Variants in LY86 observed in about 807,000 individuals in gnomAD.
LY86 encodes lymphocyte antigen 86.
LY86 carries 20 observed loss-of-function variants against 17.3 expected under a neutral mutation model. The ratio of observed to expected loss-of-function variants is 1.15; its 90% CI spans 0.81 to 1.68. LY86 has a LOEUF of 1.68. Ranked by LOEUF, LY86 falls within the 40% of genes most tolerant of loss-of-function variation. LY86 has a pLI of 0.00. For missense variants in LY86, 200 were observed against 191.9 expected (o/e 1.04, Z -0.25); for synonymous variants, 74 against 70.6 (o/e 1.05, Z -0.24).
intron 3 of LY86, among the ~76,000 whole-genome samples, chr6:6,637,291 G>A (rs1371360754): frequency 6.6e-6 from 1 of 152,090 alleles, no homozygotes; most frequent in African/African-American, 2.4e-5. Flanking sequence ...GATTACAGGC[G>A]TGAGCCACCG....
intron 1 of LY86, among the ~76,000 whole-genome samples, chr6:6,601,499 G>A (rs937225998): frequency 6.6e-6 from 1 of 152,208 alleles, no homozygotes; most frequent in African/African-American, 2.4e-5. Flanking sequence ...GAGGCAGGCA[G>A]ATCACGAGGT....
Position 6,608,235 on chromosome 6 carries a change from C to T in LY86, c.137-16691C>T, listed in dbSNP as rs1761244018. 5.3e-5 allele frequency among the ~76,000 whole-genome samples: 8 copies of T among 152,294 alleles called. No individual in the cohort carries two copies. In the South Asian group the frequency reaches 1.7e-3, roughly 32 times the overall value. On this transcript the variant is annotated intron_variant, in intron 1 of 4. Transcript: ENST00000230568. ...GAGCAAACAAAAATACTATTATGTG[C>T]ATATAATATGACTTTGTCTACGCAG...
intron 1 of LY86, among the ~76,000 whole-genome samples, chr6:6,619,739 T>G (rs1761632062): frequency 6.6e-6 from 1 of 152,114 alleles, no homozygotes; most frequent in Admixed American, 6.5e-5. Flanking sequence ...GAGCCATGAA[T>G]GTTAAGATGT....
At chr6:6,604,983 C>A (rs531148715) in intron 1 of LY86, among the ~76,000 whole-genome samples, 1 of 151,628 alleles carries the variant, frequency 6.6e-6, no homozygotes, top group East Asian at 1.9e-4. Context: ...AGCTACAATT[C>A]TACATACAGT....
At chr6:6,620,985 C>G (rs188410451) in intron 1 of LY86, 19 of 152,386 alleles carry the variant, frequency 1.2e-4, no homozygotes, top group African/African-American at 4.6e-4. Context: ...GGCCCACATG[C>G]CCGGGGGAGA....
intron 1 of LY86, among the ~76,000 whole-genome samples, chr6:6,606,952 G>A (rs1761181614): frequency 6.6e-6 from 1 of 152,268 alleles, no homozygotes; most frequent in Non-Finnish European, 1.5e-5. Flanking sequence ...GAGAGCGAGT[G>A]AGGGCTGTGA....
At chr6:6,612,495 A>G (rs976606653) in intron 1 of LY86, among the ~76,000 whole-genome samples, 2 of 148,938 alleles carry the variant, frequency 1.3e-5, no homozygotes, top group African/African-American at 2.5e-5. Flanking sequence ...TGTAAACAAC[A>G]AAAACACTTA....
intron 1 of LY86, among the ~76,000 whole-genome samples, chr6:6,617,999 C>T (rs1045540162): frequency 1.3e-4 from 20 of 152,170 alleles, no homozygotes; most frequent in African/African-American, 4.8e-4. Context: ...TGCCACCACA[C>T]CCGACTAATT....
At chr6:6,625,851 C>G (rs1258955905) in intron 2 of LY86, among the ~76,000 whole-genome samples, 1 of 152,146 alleles carries the variant, frequency 6.6e-6, no homozygotes, top group Non-Finnish European at 1.5e-5. Context: ...AAGCCACCAC[C>G]ATGGAACCCG....
chr6:6,603,534 GCAA>G (rs955470315), intron 1 of LY86, among the ~76,000 whole-genome samples: 14 of 146,978 alleles, frequency 9.5e-5, no homozygotes, highest in East Asian at 4.0e-4. Context: ...AAAAAAAATA[GCAA>G]CAACAACAAA....
chr6:6,631,157 C>T (rs953683990), intron 3 of LY86, among the ~76,000 whole-genome samples: 5 of 152,044 alleles, frequency 3.3e-5, no homozygotes, highest in Non-Finnish European at 5.9e-5. Context: ...CAGGCCATAC[C>T]CCAGACCAAT....
rs114565918 is a variant in LY86 at position 6,627,565 on chromosome 6, C to T, written c.352+1144C>T. Among the ~76,000 whole-genome samples, 1,373 of 152,306 alleles carry T rather than the reference C, an allele frequency of 9.0e-3. 23 individuals are homozygous for T. Among genetic ancestry groups the T allele is most frequent in the African/African-American group, 0.031 (1,275 of 41,552 alleles). Reference sequence around the variant, plus strand: ...CTGGTTTACTGCCGTGTATCTTCCACATTGGACCACGAGCTGCTTGAGGGT... The same window carrying T: ...CTGGTTTACTGCCGTGTATCTTCCATATTGGACCACGAGCTGCTTGAGGGT... On this transcript the variant is annotated intron_variant, in intron 3 of 4. Coordinates refer to ENST00000230568, the MANE Select transcript of LY86 (RefSeq NM_004271.4).
chr6:6,627,573 C>T lies in LY86; in HGVS notation c.352+1152C>T, dbSNP rs563793919. The stretch of plus-strand genomic sequence containing the variant: ...CTGCCGTGTATCTTCCACATTGGAC[C>T]ACGAGCTGCTTGAGGGTAGGGTCAT... On this transcript the variant is annotated intron_variant, in intron 3 of 4. Coordinates refer to ENST00000230568, the MANE Select transcript of LY86 (RefSeq NM_004271.4). 4.0e-4 allele frequency among the ~76,000 whole-genome samples: 61 copies of T among 152,260 alleles called. 1 individual carries two copies. Among genetic ancestry groups the T allele is most frequent in the Middle Eastern group, 3.4e-3 (1 of 294 alleles).
intron 4 of LY86, among the ~76,000 whole-genome samples, chr6:6,652,140 G>A (rs1762196821): frequency 6.6e-6 from 1 of 151,296 alleles, no homozygotes; most frequent in African/African-American, 2.4e-5. Flanking sequence ...AGTGCATGAA[G>A]GAAGTGCAGA....
chr6:6,616,605 A>G (rs1761560776), intron 1 of LY86, among the ~76,000 whole-genome samples: 1 of 152,242 alleles, frequency 6.6e-6, no homozygotes, highest in Non-Finnish European at 1.5e-5. Flanking sequence ...TGAGCAGACC[A>G]GGCTGGCCTC....
intron 1 of LY86, among the ~76,000 whole-genome samples, chr6:6,595,047 T>TA (rs1292645642): frequency 2.0e-5 from 3 of 150,824 alleles, no homozygotes; most frequent in African/African-American, 2.4e-5. Flanking sequence ...AGTCTTCGGG[T>TA]AAAAAAGTGA....
intron 1 of LY86, among the ~76,000 whole-genome samples, chr6:6,601,481 G>A (rs1478011683): frequency 1.3e-5 from 2 of 152,188 alleles, no homozygotes; most frequent in Non-Finnish European, 2.9e-5. Context: ...CCAGCACTTT[G>A]GGAGGCCGAG....
At chr6:6,591,951 T>C (rs1272114520) in intron 1 of LY86, among the ~76,000 whole-genome samples, 1 of 152,172 alleles carries the variant, frequency 6.6e-6, no homozygotes, top group East Asian at 1.9e-4. Context: ...AAAGAGGAAG[T>C]GGAAGACATG....
chr6:6,600,720 C>T (rs1200225007), intron 1 of LY86, among the ~76,000 whole-genome samples: 3 of 151,744 alleles, frequency 2.0e-5, no homozygotes, highest in Admixed American at 6.6e-5. Flanking sequence ...GAAAAGCTCG[C>T]TGCATACAAC....
Sources: allele counts gnomAD v4.1 joint callset (sites outside exome capture counted in the v4.1 genomes callset), GRCh38; gene constraint gnomAD v4.1.1; transcripts MANE v1.5; gene names NCBI Gene and HGNC (gene_info 2026-07-23, HGNC 2026-07-21).